Variants in CTNNAL1 observed in about 807,000 individuals in gnomAD.
The protein encoded by CTNNAL1 is catenin alpha like 1, also known as alpha-catulin.
CTNNAL1 carries 69 observed loss-of-function variants against 93.6 expected under a neutral mutation model. That is an observed-to-expected ratio of 0.74 (90% CI 0.61 to 0.90). CTNNAL1 has a LOEUF of 0.90. Ranked by LOEUF, CTNNAL1 falls within the 40% of genes least tolerant of loss-of-function variation. The pLI is 0.00. For missense variants in CTNNAL1, 836 were observed against 862.0 expected (o/e 0.97, Z 0.38); for synonymous variants, 286 against 305.4 (o/e 0.94, Z 0.66).
In CTNNAL1 at chr9:108,970,386, TCTG is replaced by T. The variant is rs1831077110; in HGVS notation, c.1440+13_1440+15del. 1 of 1,600,252 alleles carries T rather than the reference TCTG, an allele frequency of 6.2e-7. No individual in the cohort carries two copies. Among genetic ancestry groups the T allele is most frequent in the African/African-American group, 1.3e-5 (1 of 74,116 alleles). On this transcript the variant is annotated intron_variant, in intron 10 of 18. Transcript: ENST00000325551. ...ATAGGACACAATACAGAAGGAGCAATCTGCTATTATCATACCTGTTGGCCAGTC... is the reference window on the plus strand; with the variant it reads ...ATAGGACACAATACAGAAGGAGCAATCTATTATCATACCTGTTGGCCAGTC...
intron 9 of CTNNAL1, among the ~76,000 whole-genome samples, chr9:108,971,540 T>G (rs1374511420): frequency 6.6e-6 from 1 of 152,214 alleles, no homozygotes; most frequent in African/African-American, 2.4e-5. Context: ...TGAATAAGTC[T>G]CATGGGATCT....
chr9:108,956,064 A>G (rs921070049), intron 11 of CTNNAL1, among the ~76,000 whole-genome samples: 1 of 152,198 alleles, frequency 6.6e-6, no homozygotes, highest in African/African-American at 2.4e-5. Flanking sequence ...ACCTCTCCCA[A>G]CATTAAGGGA....
At chr9:108,981,899 C>T (rs1831443379) in intron 6 of CTNNAL1, among the ~76,000 whole-genome samples, 1 of 151,886 alleles carries the variant, frequency 6.6e-6, no homozygotes, top group South Asian at 2.1e-4. Flanking sequence ...CACTCCAGCC[C>T]GAGAAACAAG....
intron 12 of CTNNAL1, among the ~76,000 whole-genome samples, chr9:108,954,985 G>A (rs183918943): frequency 1.0e-3 from 149 of 145,556 alleles, no homozygotes; most frequent in African/African-American, 3.6e-3. Context: ...TTTTTTTTGA[G>A]ACAGTCTTAC....
At chr9:108,984,947 G>T (rs988453857) in intron 4 of CTNNAL1, among the ~76,000 whole-genome samples, 1 of 152,104 alleles carries the variant, frequency 6.6e-6, no homozygotes, top group Non-Finnish European at 1.5e-5. Flanking sequence ...TCAATATGCT[G>T]CTCTGAAATA....
chr9:108,950,482 T>C (rs1830529503), intron 14 of CTNNAL1: 1 of 1,546,080 alleles, frequency 6.5e-7, no homozygotes, highest in Non-Finnish European at 8.7e-7. Flanking sequence ...TTCTAACTCC[T>C]ATCATTTCTG....
chr9:108,958,887 C>A (rs1830752245), intron 11 of CTNNAL1, among the ~76,000 whole-genome samples: 1 of 151,486 alleles, frequency 6.6e-6, no homozygotes, highest in Non-Finnish European at 1.5e-5. Context: ...GTGCACACCA[C>A]CACGCTCGGC....
chr9:109,013,235 G>A (rs1051124474), intron 1 of CTNNAL1, 67 bp downstream of exon 1: 9 of 1,402,800 alleles, frequency 6.4e-6, no homozygotes, highest in African/African-American at 3.1e-5. Context: ...CCGGTCGTGC[G>A]AGCGGCGGCC....
intron 4 of CTNNAL1, among the ~76,000 whole-genome samples, chr9:108,985,431 TA>T (rs1831576370): frequency 6.6e-6 from 1 of 152,258 alleles, no homozygotes; most frequent in Non-Finnish European, 1.5e-5. Flanking sequence ...TACAAATAAG[TA>T]AAACCTAAAG....
At position 108,972,839 on chromosome 9, in the gene CTNNAL1, G is replaced by A. The variant is rs1441870596; in HGVS notation, c.1189-6C>T. The A allele has an allele frequency of 2.3e-6, 3 of 1,330,460 alleles. No homozygotes were observed. The highest frequency in any genetic ancestry group is 3.0e-6 in the Non-Finnish European group (3 of 1,015,486). The allele number at this position is 1,330,460 out of a possible 1,614,324, so 82.4% of individuals were successfully genotyped here. ...TGTGTCGCTGTACTATGAAGCTGCAGATGTGTGTGTGGGTGGGGGGGTGGG... is the reference window on the plus strand; with the variant it reads ...TGTGTCGCTGTACTATGAAGCTGCAAATGTGTGTGTGGGTGGGGGGGTGGG... On this transcript the variant is annotated splice_region_variant and splice_polypyrimidine_tract_variant and intron_variant, in intron 8 of 18. Transcript: ENST00000325551.
At position 108,984,443 on chromosome 9, in the gene CTNNAL1, A is replaced by G; in HGVS notation, c.640-7T>C. On this transcript the variant is annotated splice_region_variant and splice_polypyrimidine_tract_variant and intron_variant, in intron 4 of 18. Transcript: ENST00000325551. Reference sequence around the variant, plus strand: ...TCTTTTCATCTTTCAAATCCTAAATATGAAATAAAATCACGGAGGAGTCTA... The same window carrying G: ...TCTTTTCATCTTTCAAATCCTAAATGTGAAATAAAATCACGGAGGAGTCTA... The G allele has an allele frequency of 6.4e-7, 1 of 1,555,440 alleles. No homozygotes were observed. Among genetic ancestry groups the G allele is most frequent in the Non-Finnish European group, 8.9e-7 (1 of 1,127,294 alleles).
chr9:108,991,754 C>A (rs1415096703), intron 3 of CTNNAL1: 3 of 278,354 alleles, frequency 1.1e-5, no homozygotes, highest in Non-Finnish European at 2.0e-5. Flanking sequence ...ATTTCTGATT[C>A]ATTCAACACT....
At chr9:109,008,635 A>AT (rs1460047861) in intron 1 of CTNNAL1, among the ~76,000 whole-genome samples, 1 of 152,108 alleles carries the variant, frequency 6.6e-6, no homozygotes, top group Non-Finnish European at 1.5e-5. Flanking sequence ...CTCACTGTGG[A>AT]TTTTTTAGCT....
intron 1 of CTNNAL1, among the ~76,000 whole-genome samples, chr9:109,007,604 G>A (rs1827071184): frequency 6.6e-6 from 1 of 152,210 alleles, no homozygotes; most frequent in South Asian, 2.1e-4. Context: ...ATTAAAGGAG[G>A]TGGGGAGGTA....
chr9:108,996,609 C>CA (rs1012668445), intron 2 of CTNNAL1, among the ~76,000 whole-genome samples: 40 of 152,148 alleles, frequency 2.6e-4, no homozygotes, highest in Non-Finnish European at 3.4e-4. Flanking sequence ...GGCACAATGA[C>CA]ATGCTACAAA....
chr9:108,994,242 A>AT (rs1435421299), intron 2 of CTNNAL1, among the ~76,000 whole-genome samples: 13 of 152,040 alleles, frequency 8.6e-5, no homozygotes, highest in Non-Finnish European at 5.9e-5. Flanking sequence ...AAAAAAAAAA[A>AT]GAAAGATCAG....
At chr9:108,972,865 A>AAC in intron 8 of CTNNAL1, 32 bp from the exon 9 acceptor site, 14 of 219,264 alleles carry the variant, frequency 6.4e-5, no homozygotes, top group Non-Finnish European at 8.1e-5. Context: ...GGGGGGTGGG[A>AAC]GGGTGGAGAA....
At chr9:108,982,097 C>G (rs1831450079) in intron 6 of CTNNAL1, among the ~76,000 whole-genome samples, 1 of 152,028 alleles carries the variant, frequency 6.6e-6, no homozygotes, top group Non-Finnish European at 1.5e-5. Flanking sequence ...TTCTTAGGGC[C>G]CTCCCAACTC....
chr9:108,961,984 G>A (rs1830831142), intron 11 of CTNNAL1, among the ~76,000 whole-genome samples: 2 of 152,182 alleles, frequency 1.3e-5, no homozygotes, highest in South Asian at 4.1e-4. Context: ...CACAGAATTG[G>A]TTCATTCTCA....
Sources: gnomAD v4.1 joint callset for allele counts (sites outside exome capture counted in the v4.1 genomes callset) on GRCh38, gnomAD v4.1.1 for gene constraint, MANE v1.5 for transcripts, NCBI Gene and HGNC (gene_info 2026-07-23, HGNC 2026-07-21) for gene names.